Variants in KIF9 observed in about 807,000 individuals in gnomAD.
The protein encoded by KIF9 is kinesin family member 9.
KIF9 carries 68 observed loss-of-function variants against 94.8 expected under a neutral mutation model. That is an observed-to-expected ratio of 0.72 (90% CI 0.59 to 0.88). The LOEUF is 0.88. Among genes scored for constraint, KIF9 ranks in the 40% least tolerant of loss-of-function variants. The probability of loss-of-function intolerance (pLI) is 0.00; values close to 1 mark genes in which losing one functional copy is unlikely to be tolerated. For synonymous variants in KIF9, 343 were observed against 362.1 expected (o/e 0.95, Z 0.60); for missense variants, 882 against 982.5 (o/e 0.90, Z 1.37).
chr3:47,239,782 C>A (rs1045242328), intron 17 of KIF9: 9 of 1,360,250 alleles, frequency 6.6e-6, no homozygotes, highest in Admixed American at 1.9e-5. Flanking sequence ...TAAAATGCAC[C>A]CCCTGTGAGT....
intron 12 of KIF9, among the ~76,000 whole-genome samples, chr3:47,246,921 T>TGTGGGGTG (rs142742548): frequency 0.036 from 5,501 of 152,228 alleles, 340 homozygotes; most frequent in African/African-American, 0.13. Flanking sequence ...GACCCTTCCT[T>TGTGGGGTG]GTGGGGTGGT....
intron 20 of KIF9, among the ~76,000 whole-genome samples, chr3:47,229,361 T>C (rs1421775993): frequency 6.6e-6 from 1 of 152,162 alleles, no homozygotes; most frequent in African/African-American, 2.4e-5. Flanking sequence ...GAAAATAATT[T>C]CTATTTATGT....
chr3:47,248,756 T>C (rs962034919), intron 10 of KIF9, among the ~76,000 whole-genome samples: 1 of 152,158 alleles, frequency 6.6e-6, no homozygotes, highest in Non-Finnish European at 1.5e-5. Context: ...GAATGCTTTC[T>C]TTTTAGAGAA....
intron 20 of KIF9, among the ~76,000 whole-genome samples, chr3:47,232,872 C>T (rs747794557): frequency 2.6e-5 from 4 of 150,970 alleles, no homozygotes; most frequent in African/African-American, 4.9e-5. Flanking sequence ...GTCCCAGCTA[C>T]TCAGGAGGCT....
At position 47,282,651 on chromosome 3, in the gene KIF9, G is replaced by T; in HGVS notation, c.-162C>A. 1.7e-6 allele frequency: 2 copies of T among 1,189,630 alleles called. No homozygotes were observed. Among genetic ancestry groups the T allele is most frequent in the Non-Finnish European group, 2.1e-6 (2 of 951,322 alleles). The allele number at this position is 1,189,630 out of a possible 1,614,324, so 73.7% of individuals were successfully genotyped here. On this transcript the variant is annotated 5_prime_UTR_variant, in exon 1 of 21. Coordinates refer to ENST00000684063, the MANE Select transcript of KIF9 (RefSeq NM_182902.4). ...TCGGGGTGGCGGAAATGAAGTCCGA[G>T]GTCCTACGTCGAGGATACGGGTGAG... is the stretch of plus-strand genomic sequence containing the variant.
intron 14 of KIF9, 68 bp downstream of exon 14, chr3:47,245,353 G>T: frequency 8.7e-7 from 1 of 1,155,700 alleles, no homozygotes; most frequent in Non-Finnish European, 1.3e-6. Context: ...AATACTTGCT[G>T]GCTCTGCAAA....
In KIF9 at chr3:47,281,173, T is replaced by C. The variant is rs998964172; in HGVS notation, c.-6+1322A>G. On this transcript the variant is annotated intron_variant, in intron 1 of 20. Transcript: ENST00000684063. ...GTCAGAGGGCAGCTGAATCTTCATATGTGGGTCTATCTTCAGTCACTACTG... is the reference window on the plus strand; with the variant it reads ...GTCAGAGGGCAGCTGAATCTTCATACGTGGGTCTATCTTCAGTCACTACTG... 4.7e-6 allele frequency: 3 copies of C among 631,998 alleles called. No individual in the cohort carries two copies. In the East Asian group the frequency reaches 8.2e-5, roughly 17 times the overall value. 39.1% of individuals were successfully genotyped at this position (631,998 alleles called of 1,614,324 possible).
rs554709226 is a variant in KIF9 at position 47,253,464 on chromosome 3, T to C, written c.1059+4019A>G. ...AGCCACGCACCCGGCCCAGTGATTT[T>C]TTTTTTTTTAAGAAGTAAAACATTT... On this transcript the variant is annotated intron_variant, in intron 10 of 20. Coordinates refer to ENST00000684063, the MANE Select transcript of KIF9 (RefSeq NM_182902.4). 1.7e-3 allele frequency among the ~76,000 whole-genome samples: 252 copies of C among 152,186 alleles called. 3 individuals carry two copies. Among genetic ancestry groups the C allele is most frequent in the Non-Finnish European group, 9.6e-4 (65 of 68,006 alleles).
chr3:47,239,731 G>A, intron 17 of KIF9: 1 of 1,269,190 alleles, frequency 7.9e-7, no homozygotes, highest in Non-Finnish European at 1.0e-6. Context: ...AGGATTACAA[G>A]TGTGTGCCAC....
chr3:47,230,207 T>C (rs545252272), intron 20 of KIF9, among the ~76,000 whole-genome samples: 1 of 148,496 alleles, frequency 6.7e-6, no homozygotes, highest in South Asian at 2.1e-4. Context: ...GAGCCCAGGA[T>C]ATCAAGACTG....
At chr3:47,236,290 C>T (rs2107080141) in intron 18 of KIF9, 141 bp from the exon 19 acceptor site, 1 of 1,022,300 alleles carries the variant, frequency 9.8e-7, no homozygotes, top group Non-Finnish European at 1.5e-6. Flanking sequence ...ATCTCTGGCC[C>T]TCACAGTCCT....
chr3:47,234,392 C>T (rs1698855315), intron 20 of KIF9, among the ~76,000 whole-genome samples: 1 of 151,948 alleles, frequency 6.6e-6, no homozygotes, highest in South Asian at 2.1e-4. Context: ...TGCTGCCACA[C>T]CCAGCTAAGT....
chr3:47,230,163 A>G (rs1299689872), intron 20 of KIF9, among the ~76,000 whole-genome samples: 1 of 152,154 alleles, frequency 6.6e-6, no homozygotes, highest in Non-Finnish European at 1.5e-5. Context: ...CCATGATCCC[A>G]GCACTTTGGG....
At position 47,257,468 on chromosome 3, in the gene KIF9, C is replaced by G; in HGVS notation, c.1059+15G>C. On this transcript the variant is annotated intron_variant, in intron 10 of 20. Coordinates refer to ENST00000684063, the MANE Select transcript of KIF9 (RefSeq NM_182902.4). ...TTCCCCACAGTGGGACACCTGTCCA[C>G]AACCCCTGCTGTACCTCAGCATCAT... The G allele has an allele frequency of 1.2e-6, 2 of 1,612,014 alleles. No individual in the cohort carries two copies. Among genetic ancestry groups the G allele is most frequent in the Non-Finnish European group, 1.7e-6 (2 of 1,178,214 alleles).
At chr3:47,230,165 C>A (rs562657668) in intron 20 of KIF9, among the ~76,000 whole-genome samples, 1 of 152,148 alleles carries the variant, frequency 6.6e-6, no homozygotes, top group African/African-American at 2.4e-5. Context: ...ATGATCCCAG[C>A]ACTTTGGGAA....
chr3:47,267,766 G>T (rs1000441609), intron 5 of KIF9, among the ~76,000 whole-genome samples: 1 of 151,434 alleles, frequency 6.6e-6, no homozygotes, highest in Non-Finnish European at 1.5e-5. Flanking sequence ...CTGGGTTGGG[G>T]TTTATAGGTT....
At chr3:47,240,370 T>C (rs974524046) in intron 17 of KIF9, among the ~76,000 whole-genome samples, 1 of 152,170 alleles carries the variant, frequency 6.6e-6, no homozygotes, top group Non-Finnish European at 1.5e-5. Flanking sequence ...TCTTGTTCCC[T>C]TACTTGGTTT....
At position 47,275,421 on chromosome 3, in the gene KIF9, A is replaced by G. The variant is rs932709715; in HGVS notation, c.163T>C (p.Phe55Leu). Reference sequence around the variant, plus strand: ...TCGTGAAGAACTCCATCCAACTTAAACGACCAGTCTGTCTGTTGGTTATTG... The same window carrying G: ...TCGTGAAGAACTCCATCCAACTTAAGCGACCAGTCTGTCTGTTGGTTATTG... ...VVNNQQTDWS[F>L]KLDGVLHDAS... Residue 55 changes from phenylalanine to leucine, a missense_variant, in exon 3 of 21, where the codon TTT (phenylalanine) becomes CTT (leucine). By Grantham distance (22) the Phe-to-Leu change is conservative (BLOSUM62 0). Transcript: ENST00000684063. 2.5e-6 allele frequency: 4 copies of G among 1,613,548 alleles called. No homozygotes were observed. The African/African-American group carries it at 5.3e-5, about 22-fold the overall frequency.
intron 4 of KIF9, among the ~76,000 whole-genome samples, chr3:47,273,213 G>GA (rs886349107): frequency 6.6e-6 from 1 of 152,182 alleles, no homozygotes; most frequent in African/African-American, 2.4e-5. Flanking sequence ...TTAAAACCAG[G>GA]AAAGAGAATG....
Sources: gnomAD v4.1 joint callset for allele counts (sites outside exome capture counted in the v4.1 genomes callset) on GRCh38, gnomAD v4.1.1 for gene constraint, MANE v1.5 for transcripts, NCBI Gene and HGNC (gene_info 2026-07-23, HGNC 2026-07-21) for gene names.